Variants in ZNF676 observed in about 807,000 individuals in gnomAD.
The protein encoded by ZNF676 is zinc finger protein 676.
A neutral mutation model predicts 6.0 loss-of-function variants in ZNF676; 4 were observed. The ratio of observed to expected loss-of-function variants is 0.67; its 90% CI spans 0.33 to 1.53. The LOEUF (loss-of-function observed/expected upper bound fraction) is 1.53, where lower values mean the gene tolerates loss of function less well. ZNF676 is among the 40% of genes most tolerant of loss of function. The probability of loss-of-function intolerance (pLI) is 0.06; values close to 1 mark genes in which losing one functional copy is unlikely to be tolerated. For missense variants in ZNF676, 644 were observed against 679.7 expected, an observed-to-expected ratio of 0.95 and a Z score of 0.58; for synonymous variants, 198 against 223.1, an observed-to-expected ratio of 0.89 and a Z score of 1.00.
chr19:22,215,144 T>C (rs2144837484), intron 1 of ZNF676, among the ~76,000 whole-genome samples: 1 of 152,182 alleles, frequency 6.6e-6, no homozygotes, highest in African/African-American at 2.4e-5. Flanking sequence ...ATAAAACTCT[T>C]TCCATCAAAC....
chr19:22,194,694 G>A (rs1426615102), intron 1 of ZNF676, among the ~76,000 whole-genome samples: 3 of 152,016 alleles, frequency 2.0e-5, no homozygotes, highest in Non-Finnish European at 4.4e-5. Flanking sequence ...GCGAATCAGT[G>A]CCGCTCAAAA....
the ZNF676 span, among the ~76,000 whole-genome samples, chr19:22,242,843 T>TGG: frequency 2.2e-5 from 3 of 135,354 alleles, no homozygotes; most frequent in Admixed American, 1.4e-4. Flanking sequence ...TTACCCAAGT[T>TGG]GGGGGGGGGC....
At chr19:22,218,366 G>A (rs1213458126), upstream of ZNF676, among the ~76,000 whole-genome samples, 8 of 151,842 alleles carry the variant, frequency 5.3e-5, no homozygotes, top group African/African-American at 1.9e-4. Flanking sequence ...ACGGAGTCTC[G>A]CTCTGTTCCC....
At chr19:22,258,351 G>A in the ZNF676 span, among the ~76,000 whole-genome samples, 3 of 152,110 alleles carry the variant, frequency 2.0e-5, no homozygotes, top group Non-Finnish European at 4.4e-5. Context: ...GCTGGGTTCA[G>A]CAGTATTTCA....
At chr19:22,204,097 T>C (rs1427223404) in intron 1 of ZNF676, 1 of 152,168 alleles carries the variant, frequency 6.6e-6, no homozygotes, top group Non-Finnish European at 1.5e-5. Context: ...AGTTTTTGAG[T>C]AGCCATATCA....
chr19:22,185,695 G>C (rs1273261501), intron 2 of ZNF676, among the ~76,000 whole-genome samples: 1 of 152,166 alleles, frequency 6.6e-6, no homozygotes, highest in East Asian at 1.9e-4. Flanking sequence ...TAAATGACCT[G>C]ATGGAGATGA....
the ZNF676 span, among the ~76,000 whole-genome samples, chr19:22,245,657 T>G: frequency 2.6e-5 from 4 of 151,916 alleles, no homozygotes; most frequent in Admixed American, 2.6e-4. Context: ...CGGTGATATA[T>G]CACAATCCCT....
intron 2 of ZNF676, among the ~76,000 whole-genome samples, chr19:22,183,411 C>G (rs1275446706): frequency 1.3e-5 from 2 of 152,140 alleles, no homozygotes; most frequent in Non-Finnish European, 2.9e-5. Context: ...TATCTCAGCT[C>G]ACCGTAACCT....
intron 1 of ZNF676, among the ~76,000 whole-genome samples, chr19:22,194,557 C>T (rs1695224171): frequency 1.3e-5 from 2 of 152,104 alleles, no homozygotes; most frequent in Non-Finnish European, 2.9e-5. Flanking sequence ...AAAAGGAATG[C>T]CACCAGATCT....
chr19:22,190,493 T>C (rs181306765), intron 2 of ZNF676, among the ~76,000 whole-genome samples: 19 of 151,062 alleles, frequency 1.3e-4, no homozygotes, highest in Admixed American at 3.3e-4. Flanking sequence ...TACCCAACAA[T>C]CTTAAAATAA....
chr19:22,203,102 G>T, intron 1 of ZNF676: 1 of 159,064 alleles, frequency 6.3e-6, no homozygotes, highest in Non-Finnish European at 1.3e-5. Context: ...AACCCCATTT[G>T]CCACAGCAGC....
upstream of ZNF676, among the ~76,000 whole-genome samples, chr19:22,197,655 T>C (rs1010231304): frequency 1.3e-5 from 2 of 152,090 alleles, no homozygotes; most frequent in African/African-American, 2.4e-5. Context: ...AACAGACAAA[T>C]GCAAAGGAAA....
At chr19:22,204,229 A>G (rs969688685) in intron 1 of ZNF676, among the ~76,000 whole-genome samples, 14 of 152,166 alleles carry the variant, frequency 9.2e-5, no homozygotes, top group Admixed American at 8.5e-4. Flanking sequence ...ACTAACATCT[A>G]CTGTAACAAT....
the ZNF676 span, among the ~76,000 whole-genome samples, chr19:22,257,820 G>A: frequency 3.3e-5 from 5 of 152,310 alleles, no homozygotes; most frequent in African/African-American, 1.2e-4. Context: ...TAGGTGATGA[G>A]CTCAGAGATA....
At chr19:22,247,991 G>C in the ZNF676 span, among the ~76,000 whole-genome samples, 252 of 146,594 alleles carry the variant, frequency 1.7e-3, 1 homozygote, top group African/African-American at 5.7e-3. Context: ...GTGAGAACAT[G>C]CGGTGCTTGG....
the ZNF676 span, among the ~76,000 whole-genome samples, chr19:22,252,456 C>T: frequency 6.7e-6 from 1 of 149,046 alleles, no homozygotes; most frequent in Non-Finnish European, 1.5e-5. Flanking sequence ...AAAGAAGAGT[C>T]AAATCACCTA....
At chr19:22,188,099 T>C (rs925055982) in intron 2 of ZNF676, among the ~76,000 whole-genome samples, 3 of 152,054 alleles carry the variant, frequency 2.0e-5, no homozygotes, top group Non-Finnish European at 4.4e-5. Context: ...TGAACACTGA[T>C]GCAAAACTCC....
exon 1 of ZNF676, chr19:22,215,698 G>T: frequency 2.5e-6 from 4 of 1,582,834 alleles, no homozygotes; most frequent in Non-Finnish European, 3.5e-6. Context: ...CAGGTCATAG[G>T]GCCACAGAGG....
At chr19:22,228,895 G>A in the ZNF676 span, among the ~76,000 whole-genome samples, 1 of 152,124 alleles carries the variant, frequency 6.6e-6, no homozygotes, top group African/African-American at 2.4e-5. Flanking sequence ...GCTCATGATA[G>A]GAAGAATCAA....
Sources: allele counts gnomAD v4.1 joint callset (sites outside exome capture counted in the v4.1 genomes callset), GRCh38; gene constraint gnomAD v4.1.1; transcripts MANE v1.5; gene names NCBI Gene and HGNC (gene_info 2026-07-23, HGNC 2026-07-21).